Variants in DMD observed in about 807,000 individuals in gnomAD.
DMD encodes the protein mutant dystrophin.
In DMD, 63 loss-of-function variants were observed where a neutral mutation model predicts 330.1. The observed-to-expected ratio is 0.19, with a 90% confidence interval of 0.16 to 0.24. The LOEUF is 0.24. DMD is among the 10% of genes least tolerant of loss of function. The pLI is 1.00. For missense variants in DMD, 3,344 were observed against 2,684.1 expected (o/e 1.25, Z -5.43); for synonymous variants, 1,223 against 959.8 (o/e 1.27, Z -5.07).
chrX:32,820,547 G>C (rs954669495), intron 5 of DMD, among the ~76,000 whole-genome samples: 1 of 112,317 alleles, frequency 8.9e-6, no homozygotes, highest in Non-Finnish European at 1.9e-5. Context: ...AGTTCAGATG[G>C]AGTTGGAAAG....
intron 63 of DMD, among the ~76,000 whole-genome samples, chrX:31,244,214 G>C (rs1403277938): frequency 8.9e-6 from 1 of 112,263 alleles, no homozygotes; most frequent in Non-Finnish European, 1.9e-5. Context: ...AATTCGGAAA[G>C]TTTACAAGGA....
intron 44 of DMD, among the ~76,000 whole-genome samples, chrX:31,975,360 A>T (rs1343533269): frequency 8.9e-6 from 1 of 112,103 alleles, no homozygotes; most frequent in Non-Finnish European, 1.9e-5. Context: ...TGCTAAAATA[A>T]ATGTTAGCTC....
chrX:32,011,236 C>T (rs1169010514), intron 44 of DMD, among the ~76,000 whole-genome samples: 1 of 112,348 alleles, frequency 8.9e-6, no homozygotes, highest in Non-Finnish European at 1.9e-5. Context: ...TCTGTTTTGT[C>T]TAAAAATCTT....
In DMD at chrX:32,039,369, T is replaced by C. The variant is rs768548353; in HGVS notation, c.6439-70855A>G. 5.6e-4 allele frequency among the ~76,000 whole-genome samples: 62 copies of C among 111,511 alleles called. 1 individual carries two copies. Among genetic ancestry groups the C allele is most frequent in the African/African-American group, 1.8e-3 (56 of 30,784 alleles). ...TATTTGCTTCAAATTATACAGCTAT[T>C]TATTGGAAACACTTGGGCTCAAAAA... On this transcript the variant is annotated intron_variant, in intron 44 of 78. Transcript: ENST00000357033.
At chrX:31,936,937 T>C (rs1398487992) in intron 45 of DMD, among the ~76,000 whole-genome samples, 1 of 111,252 alleles carries the variant, frequency 9.0e-6, no homozygotes, top group African/African-American at 3.3e-5. Flanking sequence ...TGCTTGTTGA[T>C]CTACTGTAGA....
At chrX:32,727,475 C>T (rs2067020387) in intron 7 of DMD, among the ~76,000 whole-genome samples, 1 of 110,685 alleles carries the variant, frequency 9.0e-6, no homozygotes, top group Non-Finnish European at 1.9e-5. Flanking sequence ...GTCCTGCTTA[C>T]ACCTCTATAA....
At chrX:31,609,067 A>ATTGT (rs1280811102) in intron 55 of DMD, among the ~76,000 whole-genome samples, 1 of 112,058 alleles carries the variant, frequency 8.9e-6, no homozygotes, top group East Asian at 2.8e-4. Flanking sequence ...GTGCTAGATG[A>ATTGT]TTGTTATGTA....
chrX:32,076,836 G>A (rs932226126), intron 44 of DMD, among the ~76,000 whole-genome samples: 7 of 111,471 alleles, frequency 6.3e-5, no homozygotes, highest in African/African-American at 2.3e-4. Context: ...AGCTCCCTAG[G>A]AGATTCTGAT....
chrX:32,703,401 A>G (rs998853644), intron 7 of DMD, among the ~76,000 whole-genome samples: 2 of 111,698 alleles, frequency 1.8e-5, no homozygotes, highest in Non-Finnish European at 3.8e-5. Flanking sequence ...CATTAACACA[A>G]AAACAAACCT....
chrX:32,666,711 C>T, intron 9 of DMD, among the ~76,000 whole-genome samples: 1 of 109,295 alleles, frequency 9.1e-6, no homozygotes, highest in East Asian at 2.9e-4. Flanking sequence ...TGCCTGTAGT[C>T]CCATCTACTT....
At chrX:31,728,314 C>T (rs926385929) in intron 52 of DMD, among the ~76,000 whole-genome samples, 9 of 112,219 alleles carry the variant, frequency 8.0e-5, no homozygotes, top group Non-Finnish European at 1.5e-4. Context: ...CGTGAGCCAC[C>T]GCGCCCGGCC....
intron 1 of DMD, among the ~76,000 whole-genome samples, chrX:33,136,759 T>C (rs1048882999): frequency 1.8e-5 from 2 of 110,739 alleles, no homozygotes; most frequent in Admixed American, 9.7e-5. Flanking sequence ...TTTCCTGGGC[T>C]GCAGAAACAG....
chrX:31,422,658 A>T (rs1020122176), intron 60 of DMD, among the ~76,000 whole-genome samples: 11 of 112,124 alleles, frequency 9.8e-5, no homozygotes, highest in Admixed American at 2.8e-4. Context: ...TAAAATTTTT[A>T]AAAAATAGAA....
chrX:32,928,935 C>G (rs2146666562), intron 2 of DMD, among the ~76,000 whole-genome samples: 1 of 111,787 alleles, frequency 8.9e-6, no homozygotes, highest in Admixed American at 9.5e-5. Flanking sequence ...AAACACATTC[C>G]AAAAACATTT....
intron 43 of DMD, among the ~76,000 whole-genome samples, chrX:32,228,872 A>C (rs1056091751): frequency 9.0e-6 from 1 of 111,670 alleles, no homozygotes; most frequent in Non-Finnish European, 1.9e-5. Flanking sequence ...ATAGGAGCAA[A>C]AGCAACCACA....
At chrX:32,531,711 T>A (rs763118320) in intron 17 of DMD, among the ~76,000 whole-genome samples, 105 of 110,976 alleles carry the variant, frequency 9.5e-4, no homozygotes, top group Non-Finnish European at 1.7e-3. Context: ...CAAAGATTTC[T>A]ACAACACTAC....
At chrX:33,079,052 CAG>C (rs1326312163) in intron 1 of DMD, among the ~76,000 whole-genome samples, 1 of 111,195 alleles carries the variant, frequency 9.0e-6, no homozygotes, top group Non-Finnish European at 1.9e-5. Flanking sequence ...TTTTTTGAGA[CAG>C]AGTTTCTCTC....
chrX:32,487,071 A>G (rs998153550), intron 20 of DMD, among the ~76,000 whole-genome samples: 1 of 110,804 alleles, frequency 9.0e-6, no homozygotes, highest in East Asian at 2.8e-4. Flanking sequence ...GCAACCTACA[A>G]AATGGGAGAA....
intron 63 of DMD, among the ~76,000 whole-genome samples, chrX:31,234,039 C>T (rs779613704): frequency 9.8e-5 from 11 of 112,196 alleles, no homozygotes; most frequent in Non-Finnish European, 1.9e-5. Flanking sequence ...TAGAGACTCA[C>T]ATTCTCATAG....
Sources: gnomAD v4.1 joint callset for allele counts (sites outside exome capture counted in the v4.1 genomes callset) on GRCh38, gnomAD v4.1.1 for gene constraint, MANE v1.5 for transcripts, NCBI Gene and HGNC (gene_info 2026-07-23, HGNC 2026-07-21) for gene names.